MYO1D: variants seen among roughly 807,000 people sequenced by gnomAD.
MYO1D encodes unconventional myosin-Id.
MYO1D carries 83 observed loss-of-function variants against 122.0 expected under a neutral mutation model. The ratio of observed to expected loss-of-function variants is 0.68; its 90% CI spans 0.57 to 0.82. The LOEUF (loss-of-function observed/expected upper bound fraction) is 0.82, where lower values mean the gene tolerates loss of function less well. Among genes scored for constraint, MYO1D ranks in the 40% least tolerant of loss-of-function variants. The probability of loss-of-function intolerance (pLI) is 0.00; values close to 1 mark genes in which losing one functional copy is unlikely to be tolerated. For missense variants in MYO1D, 1,157 were observed against 1,269.5 expected (o/e 0.91, Z 1.35); for synonymous variants, 464 against 446.9 (o/e 1.04, Z -0.48).
intron 21 of MYO1D, among the ~76,000 whole-genome samples, chr17:32,528,131 C>G (rs1910401737): frequency 6.6e-6 from 1 of 152,218 alleles, no homozygotes; most frequent in African/African-American, 2.4e-5. Context: ...GCCACTGCGC[C>G]CGGCTGACTT....
intron 13 of MYO1D, among the ~76,000 whole-genome samples, chr17:32,743,848 G>C (rs1776235318): frequency 1.3e-5 from 2 of 151,810 alleles, no homozygotes; most frequent in Non-Finnish European, 1.5e-5. Context: ...TCAATCTCCT[G>C]ACCTTGTGAT....
chr17:32,624,470 G>A (rs984212010), intron 20 of MYO1D, among the ~76,000 whole-genome samples: 2 of 152,098 alleles, frequency 1.3e-5, no homozygotes, highest in Admixed American at 6.5e-5. Context: ...CCATTCTAAT[G>A]TGCAGCTAAA....
At chr17:32,744,503 G>T (rs1233866883) in intron 13 of MYO1D, among the ~76,000 whole-genome samples, 1 of 152,084 alleles carries the variant, frequency 6.6e-6, no homozygotes, top group Non-Finnish European at 1.5e-5. Context: ...TTTCACAGCT[G>T]TATCCCAGAA....
At chr17:32,683,553 A>C (rs1361274569) in intron 16 of MYO1D, among the ~76,000 whole-genome samples, 1 of 151,926 alleles carries the variant, frequency 6.6e-6, no homozygotes, top group East Asian at 1.9e-4. Context: ...CCTCCCAGTT[A>C]GGCTGCTCGG....
intron 16 of MYO1D, among the ~76,000 whole-genome samples, chr17:32,698,620 T>G (rs2089205824): frequency 1.3e-5 from 2 of 152,066 alleles, no homozygotes; most frequent in African/African-American, 2.4e-5. Flanking sequence ...AGATAATGAT[T>G]CTATTCATAC....
At chr17:32,530,964 T>C (rs555186900) in intron 21 of MYO1D, among the ~76,000 whole-genome samples, 64 of 152,138 alleles carry the variant, frequency 4.2e-4, no homozygotes, top group African/African-American at 1.4e-3. Flanking sequence ...CATTGGTTTC[T>C]GTCTGCTCCC....
intron 21 of MYO1D, among the ~76,000 whole-genome samples, chr17:32,581,664 C>G (rs2087341311): frequency 6.6e-6 from 1 of 151,814 alleles, no homozygotes; most frequent in African/African-American, 2.4e-5. Flanking sequence ...CCTCAACTTC[C>G]TGGGCTCAGG....
chr17:32,720,205 T>C (rs555921048), intron 15 of MYO1D, among the ~76,000 whole-genome samples: 11 of 152,306 alleles, frequency 7.2e-5, no homozygotes, highest in Admixed American at 5.2e-4. Flanking sequence ...TTCCAAGTTA[T>C]CAATTATCAT....
At chr17:32,689,416 A>G (rs1168153289) in intron 16 of MYO1D, among the ~76,000 whole-genome samples, 1 of 152,184 alleles carries the variant, frequency 6.6e-6, no homozygotes, top group Non-Finnish European at 1.5e-5. Context: ...TCATTATAGT[A>G]CTAAGTTTGA....
chr17:32,612,691 A>C (rs1198788612), intron 20 of MYO1D, among the ~76,000 whole-genome samples: 2 of 147,652 alleles, frequency 1.4e-5, no homozygotes, highest in Non-Finnish European at 3.0e-5. Flanking sequence ...TCAAAAAAAA[A>C]AAAACAAAAA....
intron 21 of MYO1D, among the ~76,000 whole-genome samples, chr17:32,580,079 T>C (rs533094394): frequency 2.6e-5 from 4 of 152,136 alleles, no homozygotes; most frequent in Non-Finnish European, 5.9e-5. Flanking sequence ...ACCATGATAA[T>C]ATAAAATGAC....
intron 16 of MYO1D, among the ~76,000 whole-genome samples, chr17:32,705,371 T>G (rs2089293343): frequency 6.6e-6 from 1 of 152,232 alleles, no homozygotes; most frequent in Admixed American, 6.5e-5. Flanking sequence ...GCCATTCTCC[T>G]GTCTCAGCCT....
chr17:32,716,791 C>T (rs1380971499), intron 15 of MYO1D, among the ~76,000 whole-genome samples: 1 of 152,220 alleles, frequency 6.6e-6, no homozygotes, highest in Non-Finnish European at 1.5e-5. Flanking sequence ...AGGCACTCTG[C>T]CTTCTTTCAT....
chr17:32,784,410 C>T (rs1028597814), intron 1 of MYO1D, among the ~76,000 whole-genome samples: 3 of 152,152 alleles, frequency 2.0e-5, no homozygotes, highest in Non-Finnish European at 4.4e-5. Flanking sequence ...TAATACTCTA[C>T]CTCCAACGTC....
intron 21 of MYO1D, among the ~76,000 whole-genome samples, chr17:32,559,183 T>A (rs1306468327): frequency 6.6e-6 from 1 of 152,232 alleles, no homozygotes; most frequent in African/African-American, 2.4e-5. Flanking sequence ...GGGCATGTTC[T>A]TTAAAGAAAA....
At chr17:32,755,418 A>C in intron 11 of MYO1D, 74 bp downstream of exon 11, 1 of 1,433,078 alleles carries the variant, frequency 7.0e-7, no homozygotes, top group Admixed American at 2.0e-5. Flanking sequence ...CCAACATATA[A>C]AGTCGTTGAA....
At position 32,693,363 on chromosome 17, in the gene MYO1D, T is replaced by C. The variant is rs551422342; in HGVS notation, c.2121+18625A>G. 1.3e-3 allele frequency among the ~76,000 whole-genome samples: 189 copies of C among 150,826 alleles called. 1 individual carries two copies. The highest frequency in any genetic ancestry group is 4.5e-3 in the African/African-American group (183 of 40,944). On this transcript the variant is annotated intron_variant, in intron 16 of 21. Coordinates refer to ENST00000318217, the MANE Select transcript of MYO1D (RefSeq NM_015194.3). ...TGACAAGTCTCAAGAGAGAAGTGTCTTGGAAAGGGAACACCTCAAGTAAAA... is the reference window on the plus strand; with the variant it reads ...TGACAAGTCTCAAGAGAGAAGTGTCCTGGAAAGGGAACACCTCAAGTAAAA...
rs138596743 is a variant in MYO1D, at chr17:32,644,396, T to A, written c.2596-5561A>T. Among the ~76,000 whole-genome samples, 809 of 152,320 alleles carry A rather than the reference T, an allele frequency of 5.3e-3. 8 individuals are homozygous for A. Among genetic ancestry groups the A allele is most frequent in the Non-Finnish European group, 8.2e-3 (557 of 68,026 alleles). On this transcript the variant is annotated intron_variant, in intron 19 of 21. Transcript: ENST00000318217. ...TGAGAAGAATGTATATTCTGTTGATTTGGGGTGGAGAGTTCTGTAGATGTC... is the reference window on the plus strand; with the variant it reads ...TGAGAAGAATGTATATTCTGTTGATATGGGGTGGAGAGTTCTGTAGATGTC...
At chr17:32,763,960 A>G (rs890500795) in intron 8 of MYO1D, among the ~76,000 whole-genome samples, 3 of 152,198 alleles carry the variant, frequency 2.0e-5, no homozygotes, top group Non-Finnish European at 4.4e-5. Context: ...TGACCTGGCA[A>G]GCTCACTCCT....
Sources: allele counts gnomAD v4.1 joint callset (sites outside exome capture counted in the v4.1 genomes callset), GRCh38; gene constraint gnomAD v4.1.1; transcripts MANE v1.5; gene names NCBI Gene and HGNC (gene_info 2026-07-23, HGNC 2026-07-21).